The following CELF4 variants were observed in gnomAD, a reference collection of about 807,000 sequenced individuals.
CELF4 encodes the protein CUG-BP- and ETR-3-like factor 4.
In CELF4, 18 loss-of-function variants were observed where a neutral mutation model predicts 59.9. The observed-to-expected ratio is 0.30, with a 90% CI of 0.21 to 0.45. The LOEUF is 0.45. Among genes scored for constraint, CELF4 ranks in the 20% least tolerant of loss-of-function variants. The pLI is 1.00. For synonymous variants in CELF4, 261 were observed against 267.1 expected (o/e 0.98, Z 0.22); for missense variants, 456 against 689.0 (o/e 0.66, Z 3.79).
At chr18:37,414,543 C>A (rs1180815037) in intron 2 of CELF4, among the ~76,000 whole-genome samples, 1 of 142,372 alleles carries the variant, frequency 7.0e-6, no homozygotes, top group Non-Finnish European at 1.5e-5. Flanking sequence ...GCTCTGTCAC[C>A]CAGGCTGGAG....
Position 37,244,265 on chromosome 18 carries a change from A to AG in CELF4, c.*976dup, listed in dbSNP as rs1324105624. Reference sequence around the variant, plus strand: ...TCTGTACAACTATTATGATTTTAAGAGGGGGAAGAGTTAGAAGCATTTACA... The same window carrying AG: ...TCTGTACAACTATTATGATTTTAAGAGGGGGGAAGAGTTAGAAGCATTTACA... On this transcript the variant is annotated 3_prime_UTR_variant, in exon 13 of 13. Transcript: ENST00000420428. The AG allele has an allele frequency of 6.6e-6, 1 of 151,672 alleles. No individual in the cohort carries two copies. The highest frequency in any genetic ancestry group is 1.5e-5 in the Non-Finnish European group (1 of 67,944). 9.4% of individuals were successfully genotyped at this position (151,672 alleles called of 1,614,324 possible). A position where few individuals can be genotyped will look rare whatever the true frequency, so the allele number is the denominator to read the frequency against.
At chr18:37,283,388 C>G (rs1363749531) in intron 3 of CELF4, among the ~76,000 whole-genome samples, 1 of 152,106 alleles carries the variant, frequency 6.6e-6, no homozygotes, top group African/African-American at 2.4e-5. Flanking sequence ...ACTCTGAGAA[C>G]AAGCCAAGTC....
intron 1 of CELF4, among the ~76,000 whole-genome samples, chr18:37,489,123 G>A (rs1460133744): frequency 6.6e-6 from 1 of 152,210 alleles, no homozygotes; most frequent in African/African-American, 2.4e-5. Flanking sequence ...GGATATAGAG[G>A]CTAACTGGGG....
At chr18:37,469,375 T>C (rs563627047) in intron 2 of CELF4, among the ~76,000 whole-genome samples, 17 of 152,258 alleles carry the variant, frequency 1.1e-4, no homozygotes, top group African/African-American at 2.6e-4. Context: ...GACAGTTCCA[T>C]GTGAATTTGT....
intron 10 of CELF4, among the ~76,000 whole-genome samples, chr18:37,262,543 A>G (rs953648298): frequency 6.6e-6 from 1 of 152,190 alleles, no homozygotes. Context: ...TAAGGCCTGC[A>G]GTAGGGGCTG....
chr18:37,495,924 A>G (rs1025113609), intron 1 of CELF4, among the ~76,000 whole-genome samples: 1 of 152,122 alleles, frequency 6.6e-6, no homozygotes, highest in Non-Finnish European at 1.5e-5. Context: ...AATAGATCAT[A>G]ACAGCAAGGC....
intron 9 of CELF4, 132 bp downstream of exon 9, chr18:37,266,401 G>T: frequency 1.0e-6 from 1 of 955,046 alleles, no homozygotes. Flanking sequence ...TGCCAGCACA[G>T]CCCTCCCTCT....
At chr18:37,313,425 C>A (rs1367288290) in intron 3 of CELF4, among the ~76,000 whole-genome samples, 2 of 152,196 alleles carry the variant, frequency 1.3e-5, no homozygotes. Flanking sequence ...ATTGACACTT[C>A]TGTATATTGA....
At chr18:37,447,860 C>T (rs2099752456) in intron 2 of CELF4, among the ~76,000 whole-genome samples, 1 of 152,190 alleles carries the variant, frequency 6.6e-6, no homozygotes, top group Non-Finnish European at 1.5e-5. Flanking sequence ...TCCACATGAG[C>T]CAGTGGAGAA....
In CELF4 at chr18:37,275,106, C is replaced by G. The variant is rs2092857436; in HGVS notation, c.577+9G>C. ...TCCGGGGCATCCCTCCCGGCCCCGC[C>G]CCGCGCACCCTTGCTGTTGCCGTCG... On this transcript the variant is annotated intron_variant, in intron 4 of 12. Coordinates refer to ENST00000420428, the MANE Select transcript of CELF4 (RefSeq NM_020180.4). 1.2e-6 allele frequency: 2 copies of G among 1,612,462 alleles called. No homozygotes were observed. Among genetic ancestry groups the G allele is most frequent in the East Asian group, 4.5e-5 (2 of 44,842 alleles).
intron 1 of CELF4, among the ~76,000 whole-genome samples, chr18:37,527,649 G>A (rs2099965401): frequency 6.6e-6 from 1 of 152,164 alleles, no homozygotes; most frequent in Non-Finnish European, 1.5e-5. Context: ...GCAGTCTGTG[G>A]GGTGATTTGG....
At chr18:37,353,214 C>T (rs1388590006) in intron 2 of CELF4, among the ~76,000 whole-genome samples, 2 of 42,200 alleles carry the variant, frequency 4.7e-5, no homozygotes, top group South Asian at 1.1e-3. Context: ...GAGTGAGACT[C>T]CGTCTCAAAA....
chr18:37,349,160 A>G (rs1328243658), intron 2 of CELF4, among the ~76,000 whole-genome samples: 3 of 152,204 alleles, frequency 2.0e-5, no homozygotes, highest in South Asian at 2.1e-4. Flanking sequence ...TCATGGAAAC[A>G]GTGTTCGGAA....
intron 2 of CELF4, among the ~76,000 whole-genome samples, chr18:37,438,880 A>C (rs992677674): frequency 6.6e-6 from 1 of 152,064 alleles, no homozygotes; most frequent in Non-Finnish European, 1.5e-5. Flanking sequence ...TCTCTCCCCA[A>C]ATTGAAAGGA....
At chr18:37,556,621 G>T (rs2099984896) in intron 1 of CELF4, among the ~76,000 whole-genome samples, 1 of 152,148 alleles carries the variant, frequency 6.6e-6, no homozygotes, top group Non-Finnish European at 1.5e-5. Context: ...TGGTGTCAGG[G>T]TCAGTAGCCT....
intron 3 of CELF4, among the ~76,000 whole-genome samples, chr18:37,311,984 G>A (rs1308093567): frequency 6.7e-6 from 1 of 150,324 alleles, no homozygotes; most frequent in African/African-American, 2.4e-5. Flanking sequence ...GGTGGCGGGC[G>A]CCTGTAGTCC....
At chr18:37,344,793 G>T (rs965159999) in intron 2 of CELF4, among the ~76,000 whole-genome samples, 4 of 152,214 alleles carry the variant, frequency 2.6e-5, no homozygotes, top group Non-Finnish European at 5.9e-5. Flanking sequence ...GACAGATGAC[G>T]GGAACGGCTG....
chr18:37,500,538 T>TTTTTC (rs780625479), intron 1 of CELF4, among the ~76,000 whole-genome samples: 17 of 13,742 alleles, frequency 1.2e-3, no homozygotes, highest in Middle Eastern at 0.12. Context: ...TTTCTTTTTC[T>TTTTTC]TTTTTTTTTT....
intron 2 of CELF4, among the ~76,000 whole-genome samples, chr18:37,477,035 T>C (rs1291178292): frequency 6.6e-6 from 1 of 152,202 alleles, no homozygotes; most frequent in African/African-American, 2.4e-5. Context: ...ATAGAGGTGA[T>C]ATGGCTGGAA....
Sources: gnomAD v4.1 joint callset for allele counts (sites outside exome capture counted in the v4.1 genomes callset) on GRCh38, gnomAD v4.1.1 for gene constraint, MANE v1.5 for transcripts, NCBI Gene and HGNC (gene_info 2026-07-23, HGNC 2026-07-21) for gene names.